The following MAP3K12 variants were observed in gnomAD, a reference collection of about 807,000 sequenced individuals.
The protein encoded by MAP3K12 is MAPK-upstream kinase.
MAP3K12 carries 14 observed loss-of-function variants against 87.5 expected under a neutral mutation model. The ratio of observed to expected loss-of-function variants is 0.16; its 90% CI spans 0.11 to 0.25. The LOEUF (loss-of-function observed/expected upper bound fraction) is 0.25. MAP3K12 is among the 10% of genes least tolerant of loss of function. The pLI, the probability that MAP3K12 is intolerant of heterozygous loss-of-function variation, is 1.00. For synonymous variants in MAP3K12, 469 were observed against 452.5 expected (o/e 1.04, Z -0.46); for missense variants, 802 against 1,140.4 (o/e 0.70, Z 4.27).
rs537219580 is a variant in MAP3K12, at chr12:53,493,433, A to C, written c.-38+5994T>G. On this transcript the variant is annotated intron_variant, in intron 1 of 13. Transcript: ENST00000547488. The stretch of plus-strand genomic sequence containing the variant: ...GTGGGGTTGGCATTGGGGGTGCAGT[A>C]CCACAGGGAAGGAAAGCAGGAAATG... Among the ~76,000 whole-genome samples the C allele has an allele frequency of 2.6e-5, 4 of 152,218 alleles. No individual in the cohort carries two copies. The East Asian group carries it at 5.8e-4, about 22-fold the overall frequency.
intron 6 of MAP3K12, 82 bp from the exon 7 acceptor site, chr12:53,484,447 T>A: frequency 2.0e-6 from 2 of 975,690 alleles, no homozygotes; most frequent in Non-Finnish European, 3.2e-6. Flanking sequence ...TCCCAAAGTG[T>A]GTCCTGGAGA....
At chr12:53,483,538 C>G (rs1943137452) in intron 9 of MAP3K12, 52 bp from the exon 10 acceptor site, 1 of 1,613,714 alleles carries the variant, frequency 6.2e-7, no homozygotes, top group Non-Finnish European at 8.5e-7. Flanking sequence ...AAGGGGCACC[C>G]CAGTCTCAGT....
chr12:53,481,942 C>A lies in MAP3K12; in HGVS notation c.2579G>T (p.Arg860Leu). Residue 860 changes from arginine (R) to leucine (L), a missense_variant and splice_region_variant, in exon 13 of 14, where the codon CGG becomes CTG. By Grantham distance (102) the Arg-to-Leu change is moderately radical (BLOSUM62 -2). Transcript: ENST00000547488. ...GCTTTTTGCTGTTGTGCCACTCACCCGCTCTCTGAGAAGTTCCTGGTGTGG... is the reference window on the plus strand; with the variant it reads ...GCTTTTTGCTGTTGTGCCACTCACCAGCTCTCTGAGAAGTTCCTGGTGTGG... ...PIPHQELLRE[R>L]GPPNSEDSDC... 1 of 1,611,112 alleles carries A rather than the reference C, an allele frequency of 6.2e-7. No homozygotes were observed. The highest frequency in any genetic ancestry group is 2.2e-5 in the East Asian group (1 of 44,754).
rs1160092781 is a variant in MAP3K12, at chr12:53,483,044, C to T, written c.1759G>A (p.Gly587Arg). 3.2e-6 allele frequency: 5 copies of T among 1,552,798 alleles called. No individual in the cohort carries two copies. The highest frequency in any genetic ancestry group is 2.7e-5 in the African/African-American group (2 of 72,764). The change falls in exon 11 of 14, where the codon GGG (glycine) becomes AGG (arginine). Residue 587 changes from glycine (G) to arginine (R), a missense_variant. Gly to Arg is a moderately radical substitution (Grantham distance 125, BLOSUM62 -2). This residue lies in a region of MAP3K12 where 490 missense variants were observed against 496.6 expected (regional missense o/e 0.99). Transcript: ENST00000547488. ...KTRHRKASAK[G>R]SCGDLPGLRT... is the part of the protein sequence containing the mutation. ...AGCCCAGGCAGGTCCCCACAGCTCC[C>T]CTTGGCGCTGGCCTTGCGGTGACGG...
Position 53,484,573 on chromosome 12 carries a change from C to G in MAP3K12, c.1140-208G>C, listed in dbSNP as rs190653592. On this transcript the variant is annotated intron_variant, in intron 6 of 13. Transcript: ENST00000547488. ...CCTGCAGTAAGGAAACCTATTGAAC[C>G]CCATATTTTCCAACTTGTCTCCCAA... 1,084 of 532,364 alleles carry G rather than the reference C, an allele frequency of 2.0e-3. 1 individual carries two copies. Among genetic ancestry groups the G allele is most frequent in the Non-Finnish European group, 2.6e-3 (797 of 302,044 alleles). 33.0% of individuals were successfully genotyped at this position (532,364 alleles called of 1,614,324 possible). A position where few individuals can be genotyped will look rare whatever the true frequency, so the allele number is the denominator to read the frequency against.
At chr12:53,500,127 GA>G (rs1329241357), upstream of MAP3K12, 1 of 151,978 alleles carries the variant, frequency 6.6e-6, no homozygotes. Context: ...CCCCGGCTCA[GA>G]GTAAGACATC....
At chr12:53,485,887 C>G in intron 4 of MAP3K12, 169 bp downstream of exon 4, 1 of 637,794 alleles carries the variant, frequency 1.6e-6, no homozygotes. Flanking sequence ...TTGGGACACT[C>G]AAAGGTGAGG....
At chr12:53,488,349 T>C (rs1247233371) in intron 1 of MAP3K12, among the ~76,000 whole-genome samples, 1 of 152,212 alleles carries the variant, frequency 6.6e-6, no homozygotes, top group Non-Finnish European at 1.5e-5. Context: ...TCCCAGTTCA[T>C]AGCTGGGTGC....
chr12:53,481,100 A>C lies in MAP3K12; in HGVS notation c.*82T>G. ...GGACAGCCCCATCTTTCTGTTGATT[A>C]TGTGGCGCATATATATATATATATG... On this transcript the variant is annotated 3_prime_UTR_variant, in exon 14 of 14. Coordinates refer to ENST00000547488, the MANE Select transcript of MAP3K12 (RefSeq NM_001193511.2). The C allele has an allele frequency of 3.4e-6, 2 of 585,026 alleles. No individual in the cohort carries two copies. Among genetic ancestry groups the C allele is most frequent in the East Asian group, 6.6e-5 (1 of 15,096 alleles). The allele number at this position is 585,026 out of a possible 1,614,324, so 36.2% of individuals were successfully genotyped here. A position where few individuals can be genotyped will look rare whatever the true frequency, so the allele number is the denominator to read the frequency against.
chr12:53,481,069 C>T lies in MAP3K12; in HGVS notation c.*113G>A, dbSNP rs375190621. The T allele has an allele frequency of 6.9e-5, 26 of 377,620 alleles. No homozygotes were observed. The highest frequency in any genetic ancestry group is 2.5e-4 in the East Asian group (3 of 11,858). The allele number at this position is 377,620 out of a possible 1,614,324, so 23.4% of individuals were successfully genotyped here. A position where few individuals can be genotyped will look rare whatever the true frequency, so the allele number is the denominator to read the frequency against. On this transcript the variant is annotated 3_prime_UTR_variant, in exon 14 of 14. Transcript: ENST00000547488. ...ATCAGTCTCCCTCGAGCCTGACTTA[C>T]GGCTGGGACAGCCCCATCTTTCTGT...
rs1943258424 is a variant in MAP3K12, at chr12:53,487,421, A to G, written c.-30T>C. 2 of 1,577,414 alleles carry G rather than the reference A, an allele frequency of 1.3e-6. No individual in the cohort carries two copies. ...TCTGGCCCCTGGTATGATGGTGAACACTGGGCCCTGTGGGAATGAAGGAAG... is the reference window on the plus strand; with the variant it reads ...TCTGGCCCCTGGTATGATGGTGAACGCTGGGCCCTGTGGGAATGAAGGAAG... On this transcript the variant is annotated 5_prime_UTR_variant, in exon 2 of 14. Coordinates refer to ENST00000547488, the MANE Select transcript of MAP3K12 (RefSeq NM_001193511.2).
chr12:53,498,945 T>TGGAGATG (rs1451916219), intron 1 of MAP3K12, among the ~76,000 whole-genome samples: 1 of 19,236 alleles, frequency 5.2e-5, no homozygotes, highest in Non-Finnish European at 1.1e-4. Flanking sequence ...TGTGTGTGTG[T>TGGAGATG]GTGTGTGTGT....
chr12:53,500,681 G>C (rs784567), upstream of MAP3K12: 1 of 152,308 alleles, frequency 6.6e-6, no homozygotes. Context: ...AACAGAGATC[G>C]GTCCCCTCCG....
Position 53,486,786 on chromosome 12 carries a change from G to A in MAP3K12, c.445+161C>T. 6.8e-7 allele frequency: 1 copy of A among 1,472,036 alleles called. No individual in the cohort carries two copies. Among genetic ancestry groups the A allele is most frequent in the African/African-American group, 1.4e-5 (1 of 70,746 alleles). The allele number at this position is 1,472,036 out of a possible 1,614,324, so 91.2% of individuals were successfully genotyped here. ...GGGGACAGGGAAGGAATGAATGGGT[G>A]GCCTTAAAAGAAGCTGGGAAGTTAG... is the stretch of plus-strand genomic sequence containing the variant. On this transcript the variant is annotated intron_variant, in intron 2 of 13. Transcript: ENST00000547488. This position sits in a 1 kb window ranked among gnomAD's most constrained non-coding sequence, Gnocchi z 4.9.
chr12:53,486,378 C>T lies in MAP3K12; in HGVS notation c.629+61G>A. 2 of 1,590,626 alleles carry T rather than the reference C, an allele frequency of 1.3e-6. No homozygotes were observed. The highest frequency in any genetic ancestry group is 8.6e-7 in the Non-Finnish European group (1 of 1,166,092). ...GAAGGATGGGGTAGGTCCCACTGCC[C>T]AGGAGGGTACCAGGCCTTAGCATAG... On this transcript the variant is annotated intron_variant, in intron 3 of 13. Transcript: ENST00000547488. The surrounding 1 kb of genome is among the most constrained non-coding windows in gnomAD (Gnocchi z 4.9).
rs771072634 is a variant in MAP3K12, at chr12:53,482,394, G to A, written c.2239-25C>T. ...TCTGCAGGAGAGATGGGGTGGGGGGGGTCTGATTAGAAGTGGAAAGAGGTC... is the reference window on the plus strand; with the variant it reads ...TCTGCAGGAGAGATGGGGTGGGGGGAGTCTGATTAGAAGTGGAAAGAGGTC... On this transcript the variant is annotated intron_variant, in intron 11 of 13. Coordinates refer to ENST00000547488, the MANE Select transcript of MAP3K12 (RefSeq NM_001193511.2). 3.1e-6 allele frequency: 5 copies of A among 1,612,564 alleles called. No homozygotes were observed. The South Asian group carries it at 4.4e-5, about 14-fold the overall frequency.
At position 53,484,306 on chromosome 12, in the gene MAP3K12, G is replaced by A; in HGVS notation, c.1199C>T (p.Ala400Val). ...GGGTGTGGAGAGTACATCAGCTGAGGCAATGTCCAGATGCAGCAGGATCTG... is the reference window on the plus strand; with the variant it reads ...GGGTGTGGAGAGTACATCAGCTGAGACAATGTCCAGATGCAGCAGGATCTG... ...FRQILLHLDI[A>V]SADVLSTPQE... is the part of the protein sequence containing the mutation. The change falls in exon 7 of 14, where the codon GCC becomes GTC. Residue 400 changes from alanine (A) to valine (V), a missense_variant. This residue lies in a region of MAP3K12 where 99 missense variants were observed against 193.4 expected (regional missense o/e 0.51). Transcript: ENST00000547488. 6.2e-7 allele frequency: 1 copy of A among 1,614,210 alleles called. No individual in the cohort carries two copies. The highest frequency in any genetic ancestry group is 8.5e-7 in the Non-Finnish European group (1 of 1,180,042).
In MAP3K12 at chr12:53,487,235, C is replaced by G. The variant is rs745548967; in HGVS notation, c.157G>C (p.Val53Leu). ...TPTQCVLRDVVPLGGQGGGGP... is the reference protein window; with the variant it reads ...TPTQCVLRDVLPLGGQGGGGP... ...CCCCCACCCTGCCCACCAAGGGGTA[C>G]CACATCTCGAAGTACACACTGGGTA... The change falls in exon 2 of 14, where the codon GTA becomes CTA. Residue 53 changes from valine (V) to leucine (L), a missense_variant. Val to Leu is a conservative substitution (Grantham distance 32, BLOSUM62 1). Coordinates refer to ENST00000547488, the MANE Select transcript of MAP3K12 (RefSeq NM_001193511.2). 4 of 1,613,520 alleles carry G rather than the reference C, an allele frequency of 2.5e-6. No individual in the cohort carries two copies. In the East Asian group the frequency reaches 8.9e-5, roughly 36 times the overall value.
chr12:53,486,027 C>G lies in MAP3K12; in HGVS notation c.821+29G>C. The G allele has an allele frequency of 6.3e-7, 1 of 1,576,038 alleles. No individual in the cohort carries two copies. The highest frequency in any genetic ancestry group is 1.3e-5 in the African/African-American group (1 of 74,518). ...GACTTGAGTGGGTCACCTGCATGCACATCTGTTGCTCCCTGCTTGCTTACT... is the reference window on the plus strand; with the variant it reads ...GACTTGAGTGGGTCACCTGCATGCAGATCTGTTGCTCCCTGCTTGCTTACT... On this transcript the variant is annotated intron_variant, in intron 4 of 13. Coordinates refer to ENST00000547488, the MANE Select transcript of MAP3K12 (RefSeq NM_001193511.2). This position sits in a 1 kb window ranked among gnomAD's most constrained non-coding sequence, Gnocchi z 4.9.
Sources: gnomAD v4.1 joint callset for allele counts (sites outside exome capture counted in the v4.1 genomes callset) on GRCh38, gnomAD v4.1.1 for gene constraint, gnomAD v4.1.1 regional missense constraint, Gnocchi (gnomAD v3.1) non-coding constraint, MANE v1.5 for transcripts, NCBI Gene and HGNC (gene_info 2026-07-23, HGNC 2026-07-21) for gene names.